Variants in TFDP2 observed in about 807,000 individuals in gnomAD.
The protein encoded by TFDP2 is transcription factor Dp-2.
Under a neutral mutation model 59.3 loss-of-function variants are expected in TFDP2, and 17 were observed. That is an observed-to-expected ratio of 0.29 (90% CI 0.20 to 0.43). The LOEUF (loss-of-function observed/expected upper bound fraction) is 0.43, where lower values mean the gene tolerates loss of function less well. Among genes scored for constraint, TFDP2 ranks in the 20% least tolerant of loss-of-function variants. The pLI is 1.00. For synonymous variants in TFDP2, 180 were observed against 194.7 expected (o/e 0.92, Z 0.63); for missense variants, 391 against 528.8 (o/e 0.74, Z 2.56).
intron 3 of TFDP2, among the ~76,000 whole-genome samples, chr3:142,034,857 G>A (rs892980794): frequency 8.6e-5 from 13 of 151,796 alleles, no homozygotes; most frequent in African/African-American, 1.2e-4. Flanking sequence ...ACAGGCACCC[G>A]CCACCACACC....
intron 6 of TFDP2, among the ~76,000 whole-genome samples, chr3:141,988,669 CTTTT>C (rs540352017): frequency 1.7e-4 from 21 of 125,694 alleles, no homozygotes; most frequent in African/African-American, 5.8e-4. Flanking sequence ...CTTTTCTTTT[CTTTT>C]TTTTTTTTTT....
At chr3:142,049,200 T>G (rs552758930) in intron 3 of TFDP2, among the ~76,000 whole-genome samples, 2 of 152,150 alleles carry the variant, frequency 1.3e-5, no homozygotes, top group African/African-American at 4.8e-5. Flanking sequence ...ATATCCCTCA[T>G]GAACACTCAC....
At chr3:142,119,744 C>G (rs2061972878) in intron 1 of TFDP2, among the ~76,000 whole-genome samples, 1 of 152,124 alleles carries the variant, frequency 6.6e-6, no homozygotes, top group African/African-American at 2.4e-5. Flanking sequence ...TATAGCAACA[C>G]CCTGTCTCTA....
chr3:142,040,041 C>T (rs535748314), intron 3 of TFDP2, among the ~76,000 whole-genome samples: 2 of 152,194 alleles, frequency 1.3e-5, no homozygotes, highest in Non-Finnish European at 1.5e-5. Context: ...ATACCATCTA[C>T]CTCAGTCTCT....
chr3:141,973,121 A>ATT (rs1231433469), intron 8 of TFDP2, among the ~76,000 whole-genome samples: 59 of 57,414 alleles, frequency 1.0e-3, no homozygotes, highest in African/African-American at 1.5e-3. Context: ...ATATATATAT[A>ATT]TATTTTTTTT....
chr3:142,063,948 G>T (rs1262036840), intron 3 of TFDP2, among the ~76,000 whole-genome samples: 2 of 151,818 alleles, frequency 1.3e-5, no homozygotes, highest in Non-Finnish European at 1.5e-5. Context: ...GTAGTTTTTT[G>T]GTTTTTAGTT....
At chr3:141,971,973 C>T (rs1939830767) in intron 8 of TFDP2, among the ~76,000 whole-genome samples, 1 of 152,232 alleles carries the variant, frequency 6.6e-6, no homozygotes, top group East Asian at 1.9e-4. Flanking sequence ...GATCTTTAAA[C>T]TAAATTTGTT....
chr3:142,035,597 CTGA>C (rs930553905), intron 3 of TFDP2, among the ~76,000 whole-genome samples: 2 of 152,194 alleles, frequency 1.3e-5, no homozygotes, highest in African/African-American at 4.8e-5. Flanking sequence ...GAGATTCTAA[CTGA>C]TATGGTTTCG....
At chr3:141,973,389 A>T (rs1940141961) in intron 8 of TFDP2, among the ~76,000 whole-genome samples, 1 of 152,052 alleles carries the variant, frequency 6.6e-6, no homozygotes, top group African/African-American at 2.4e-5. Flanking sequence ...CAGAAGCCAT[A>T]TTTAACCTCA....
At chr3:142,007,725 A>G (rs1187879040) in intron 3 of TFDP2, among the ~76,000 whole-genome samples, 1 of 152,206 alleles carries the variant, frequency 6.6e-6, no homozygotes, top group African/African-American at 2.4e-5. Flanking sequence ...GTGACAGTTC[A>G]TCAGGCATTA....
At chr3:141,994,633 A>G (rs1458457316) in intron 5 of TFDP2, 1 of 153,674 alleles carries the variant, frequency 6.5e-6, no homozygotes, top group Non-Finnish European at 1.4e-5. Flanking sequence ...TCTGGTCTTT[A>G]TGGAAGTAAT....
At chr3:142,061,203 A>C (rs1371842472) in intron 3 of TFDP2, among the ~76,000 whole-genome samples, 4 of 152,208 alleles carry the variant, frequency 2.6e-5, no homozygotes, top group Non-Finnish European at 1.5e-5. Context: ...TAAAGTTAAA[A>C]TATATCTGAT....
intron 1 of TFDP2, among the ~76,000 whole-genome samples, chr3:142,113,053 A>G (rs2061715850): frequency 6.6e-6 from 1 of 152,324 alleles, no homozygotes; most frequent in South Asian, 2.1e-4. Flanking sequence ...TAATAGAAAC[A>G]TTCTTTTATC....
At chr3:142,010,257 T>C (rs759838709) in intron 3 of TFDP2, among the ~76,000 whole-genome samples, 2 of 152,102 alleles carry the variant, frequency 1.3e-5, no homozygotes, top group Admixed American at 6.6e-5. Context: ...AAATCCGGTA[T>C]ATGAAGAAAT....
chr3:142,098,873 T>C (rs894480959), intron 2 of TFDP2, among the ~76,000 whole-genome samples: 1 of 152,242 alleles, frequency 6.6e-6, no homozygotes, highest in Non-Finnish European at 1.5e-5. Context: ...ATCCCTGGAA[T>C]CTAGATGTGT....
chr3:142,098,665 G>A (rs766338020), intron 2 of TFDP2, among the ~76,000 whole-genome samples: 7 of 152,080 alleles, frequency 4.6e-5, no homozygotes, highest in Admixed American at 2.6e-4. Context: ...TAGCACTATG[G>A]GAGGCCAAGT....
intron 1 of TFDP2, among the ~76,000 whole-genome samples, chr3:142,111,890 A>G (rs1224692149): frequency 6.6e-6 from 1 of 152,100 alleles, no homozygotes; most frequent in East Asian, 1.9e-4. Context: ...ACATAGCGAA[A>G]CCCCATCTCT....
intron 3 of TFDP2, among the ~76,000 whole-genome samples, chr3:142,057,278 T>C (rs1230721903): frequency 6.6e-6 from 1 of 152,200 alleles, no homozygotes; most frequent in Non-Finnish European, 1.5e-5. Context: ...AGAACCTTTT[T>C]AAAGACGAAA....
chr3:142,020,984 CA>C (rs11328099), intron 3 of TFDP2, among the ~76,000 whole-genome samples: 89,532 of 147,208 alleles, frequency 0.61, 28,342 homozygotes, highest in East Asian at 0.77. Flanking sequence ...CACCCTGTCT[CA>C]AAAAAAAAAA....
Sources: allele counts gnomAD v4.1 joint callset (sites outside exome capture counted in the v4.1 genomes callset), GRCh38; gene constraint gnomAD v4.1.1; transcripts MANE v1.5; gene names NCBI Gene and HGNC (gene_info 2026-07-23, HGNC 2026-07-21).